PCIF1: variants seen among roughly 807,000 people sequenced by gnomAD.
PCIF1 encodes the protein phosphorylated CTD interacting factor 1.
PCIF1 carries 12 observed loss-of-function variants against 86.9 expected under a neutral mutation model. The ratio of observed to expected loss-of-function variants is 0.14; its 90% CI spans 0.09 to 0.22. The LOEUF is 0.22. Among genes scored for constraint, PCIF1 ranks in the 10% least tolerant of loss-of-function variants. The pLI is 1.00. For synonymous variants in PCIF1, 397 were observed against 372.0 expected, an observed-to-expected ratio of 1.07 and a Z score of -0.77; for missense variants, 701 against 951.1, an observed-to-expected ratio of 0.74 and a Z score of 3.46.
At chr20:45,939,812 G>A (rs970810687) in intron 4 of PCIF1, among the ~76,000 whole-genome samples, 1 of 152,166 alleles carries the variant, frequency 6.6e-6, no homozygotes, top group African/African-American at 2.4e-5. Context: ...ATGTCAGTAC[G>A]ACGGGAAGTA....
intron 4 of PCIF1, 93 bp from the exon 5 acceptor site, chr20:45,940,382 T>G: frequency 2.8e-6 from 4 of 1,403,918 alleles, no homozygotes; most frequent in Non-Finnish European, 2.8e-6. Context: ...CCCTAAGGAG[T>G]AGGAGCAGGG....
In PCIF1 at chr20:45,944,981, A is replaced by T; in HGVS notation, c.1119A>T (p.Lys373Asn). ...KIYHISLEYV[K>N]RIREKHLAIL... ...ACCACATCTCCCTGGAGTACGTCAAACGGATCCGAGAGAAGCACCTTGCCA... is the reference window on the plus strand; with the variant it reads ...ACCACATCTCCCTGGAGTACGTCAATCGGATCCGAGAGAAGCACCTTGCCA... The change falls in exon 11 of 17, where the codon AAA (lysine) becomes AAT (asparagine). Residue 373 changes from lysine to asparagine, a missense_variant. Transcript: ENST00000372409. The T allele has an allele frequency of 6.2e-7, 1 of 1,613,942 alleles. No homozygotes were observed. The highest frequency in any genetic ancestry group is 8.5e-7 in the Non-Finnish European group (1 of 1,179,912).
chr20:45,947,765 C>T lies in PCIF1; in HGVS notation c.*10C>T, dbSNP rs764800547. On this transcript the variant is annotated 3_prime_UTR_variant, in exon 17 of 17. Coordinates refer to ENST00000372409, the MANE Select transcript of PCIF1 (RefSeq NM_022104.4). This position sits in a 1 kb window ranked among gnomAD's most constrained non-coding sequence, Gnocchi z 5.4. ...GCCTCACCCCACTTAACATATCCTG[C>T]GGGGAGGAGGAGCCCCAGGGGTGCT... is the stretch of plus-strand genomic sequence containing the variant. 94 of 1,591,614 alleles carry T rather than the reference C, an allele frequency of 5.9e-5. No homozygotes were observed. The highest frequency in any genetic ancestry group is 1.2e-4 in the Admixed American group (7 of 57,486).
intron 14 of PCIF1, 122 bp from the exon 15 acceptor site, chr20:45,946,951 G>T: frequency 1.3e-6 from 1 of 754,400 alleles, no homozygotes; most frequent in Non-Finnish European, 2.2e-6. Context: ...GAATTAGGGT[G>T]AATGCTGGCT....
At chr20:45,939,545 T>C (rs564694745) in intron 4 of PCIF1, among the ~76,000 whole-genome samples, 1 of 152,356 alleles carries the variant, frequency 6.6e-6, no homozygotes, top group South Asian at 2.1e-4. Context: ...ATTGCATGGC[T>C]GCTGCACGGT....
intron 14 of PCIF1, 94 bp from the exon 15 acceptor site, chr20:45,946,979 T>C (rs1476809852): frequency 2.2e-5 from 23 of 1,037,590 alleles, no homozygotes; most frequent in Non-Finnish European, 3.3e-5. Flanking sequence ...AGGCCATCTC[T>C]TCAGTGTGGC....
intron 1 of PCIF1, 69 bp downstream of exon 1, chr20:45,934,873 G>A (rs1792548376): frequency 2.5e-6 from 1 of 398,012 alleles, no homozygotes; most frequent in Non-Finnish European, 4.4e-6. Context: ...AAGCTGGGGG[G>A]CGGCGGCCCC....
In PCIF1 at chr20:45,940,595, G is replaced by A; in HGVS notation, c.370G>A (p.Gly124Ser). ...QLSEEQPSGN[G>S]VKKPKIEIPV... ...CTCGGAAGAGCAGCCAAGCGGCAAT[G>A]GTGTGAAGAAGCCCAAGGTGAGTGT... The change falls in exon 5 of 17, where the codon GGT becomes AGT. Residue 124 changes from glycine (G) to serine (S), a missense_variant. This residue lies in a region of PCIF1 where 125 missense variants were observed against 126.8 expected (regional missense o/e 0.99). Transcript: ENST00000372409. 1.2e-6 allele frequency: 2 copies of A among 1,612,154 alleles called. No individual in the cohort carries two copies. Among genetic ancestry groups the A allele is most frequent in the Non-Finnish European group, 1.7e-6 (2 of 1,179,104 alleles).
intron 1 of PCIF1, among the ~76,000 whole-genome samples, chr20:45,937,019 C>G (rs1334396171): frequency 9.8e-6 from 1 of 102,364 alleles, no homozygotes; most frequent in Non-Finnish European, 2.1e-5. Context: ...ACTCCTAGCC[C>G]AGCTCCCAAG....
chr20:45,935,757 C>A (rs533459278), intron 1 of PCIF1, among the ~76,000 whole-genome samples: 1 of 152,122 alleles, frequency 6.6e-6, no homozygotes, highest in Non-Finnish European at 1.5e-5. Context: ...AATACAAATT[C>A]TTGTGTGCCT....
At chr20:45,936,458 G>T (rs531067996) in intron 1 of PCIF1, among the ~76,000 whole-genome samples, 2 of 150,862 alleles carry the variant, frequency 1.3e-5, no homozygotes, top group East Asian at 3.9e-4. Context: ...CAAAGTGCTG[G>T]GATTACAGGC....
intron 14 of PCIF1, among the ~76,000 whole-genome samples, chr20:45,946,869 G>A (rs1015720106): frequency 4.6e-5 from 7 of 152,184 alleles, no homozygotes; most frequent in Admixed American, 3.9e-4. Context: ...TGGTGAACAT[G>A]GGCATCCCAG....
At chr20:45,942,766 CT>C (rs780815783) in intron 7 of PCIF1, among the ~76,000 whole-genome samples, 1,169 of 71,690 alleles carry the variant, frequency 0.016, 2 homozygotes, top group African/African-American at 0.029. Context: ...CAGCTAATTT[CT>C]TTTTTTTTTT....
chr20:45,941,117 C>T lies in PCIF1; in HGVS notation c.583C>T (p.Leu195=). The T allele has an allele frequency of 2.5e-6, 4 of 1,614,240 alleles. No individual in the cohort carries two copies. The highest frequency in any genetic ancestry group is 1.7e-6 in the Non-Finnish European group (2 of 1,180,036). ...VIKHRGPSEV[L]PPHPEVELLR... ...CAAGCACCGGGGGCCTTCAGAGGTG[C>T]TGCCCCCGCATCCCGAAGTGGAACT... Residue 195 remains leucine, a synonymous_variant, in exon 7 of 17, where the codon CTG becomes TTG. Transcript: ENST00000372409.
rs2083525130 is a variant in PCIF1, at chr20:45,946,238, G to A, written c.1467G>A (p.Leu489=). 6.2e-7 allele frequency: 1 copy of A among 1,614,202 alleles called. No homozygotes were observed. Among genetic ancestry groups the A allele is most frequent in the African/African-American group, 1.3e-5 (1 of 75,078 alleles). The part of the protein sequence containing the change: ...FGVGLYEGTG[L]QGSLPVHVFE... ...TGGGCCTCTACGAGGGGACTGGCCTGCAGGGATCGCTGCCTGTGCATGTCT... is the reference window on the plus strand; with the variant it reads ...TGGGCCTCTACGAGGGGACTGGCCTACAGGGATCGCTGCCTGTGCATGTCT... Residue 489 remains leucine, a synonymous_variant, in exon 14 of 17, where the codon CTG becomes CTA. Coordinates refer to ENST00000372409, the MANE Select transcript of PCIF1 (RefSeq NM_022104.4).
At chr20:45,935,497 C>T (rs2083416480) in intron 1 of PCIF1, among the ~76,000 whole-genome samples, 1 of 152,102 alleles carries the variant, frequency 6.6e-6, no homozygotes, top group Admixed American at 6.6e-5. Flanking sequence ...TTATGTCTTA[C>T]TGGGAGCGTA....
chr20:45,946,105 G>A lies in PCIF1; in HGVS notation c.1418G>A (p.Arg473Gln), dbSNP rs748255307. The change falls in exon 13 of 17, where the codon CGA (arginine) becomes CAA (glutamine). Residue 473 changes from arginine (R) to glutamine (Q), a missense_variant. Around this residue, in one of 7 missense-constraint regions of PCIF1, gnomAD observed 61 missense variants for 118.5 expected, o/e 0.51. Coordinates refer to ENST00000372409, the MANE Select transcript of PCIF1 (RefSeq NM_022104.4). ...RFLPRVWCLL[R>Q]RYQMMFGVGL... The stretch of plus-strand genomic sequence containing the variant: ...CTGCCCCGGGTCTGGTGTCTTCTCC[G>A]ACGGTACCAGGTACAGGCCTGGGGC... 14 of 1,614,132 alleles carry A rather than the reference G, an allele frequency of 8.7e-6. No individual in the cohort carries two copies. The highest frequency in any genetic ancestry group is 1.0e-5 in the Non-Finnish European group (12 of 1,180,022).
Position 45,940,350 on chromosome 20 carries a change from G to A in PCIF1, c.250-125G>A, listed in dbSNP as rs905906989. The A allele has an allele frequency of 4.8e-6, 6 of 1,245,750 alleles. No individual in the cohort carries two copies. The Admixed American group carries it at 9.9e-5, about 20-fold the overall frequency. The allele number at this position is 1,245,750 out of a possible 1,614,324, so 77.2% of individuals were successfully genotyped here. On this transcript the variant is annotated intron_variant, in intron 4 of 16. Transcript: ENST00000372409. ...GACTGGAGCCCAGTGTTCTCTGCCTGTATCCCAGCTCCTCTGCTCTTCCCT... is the reference window on the plus strand; with the variant it reads ...GACTGGAGCCCAGTGTTCTCTGCCTATATCCCAGCTCCTCTGCTCTTCCCT...
rs781285405 is a variant in PCIF1 at position 45,941,065 on chromosome 20, C to T, written c.531C>T (p.Asp177=). Residue 177 remains aspartate, a synonymous_variant, in exon 7 of 17, where the codon GAC becomes GAT. Transcript: ENST00000372409. ...TCTGTGCCCCAAGGGTCTACTGGGA[C>T]CTGGACATCCAGACCAATGCTGTCA... is the stretch of plus-strand genomic sequence containing the variant. ...ALLRPTEVYW[D]LDIQTNAVIK... The T allele has an allele frequency of 5.6e-6, 9 of 1,614,074 alleles. No individual in the cohort carries two copies. Among genetic ancestry groups the T allele is most frequent in the South Asian group, 2.2e-5 (2 of 91,088 alleles).
Sources: gnomAD v4.1 joint callset for allele counts (sites outside exome capture counted in the v4.1 genomes callset) on GRCh38, gnomAD v4.1.1 for gene constraint, gnomAD v4.1.1 regional missense constraint, Gnocchi (gnomAD v3.1) non-coding constraint, MANE v1.5 for transcripts, NCBI Gene and HGNC (gene_info 2026-07-23, HGNC 2026-07-21) for gene names.